The following TTI1 variants were observed in gnomAD, a reference collection of about 807,000 sequenced individuals.
The protein encoded by TTI1 is TELO2 interacting protein 1.
A neutral mutation model predicts 85.4 loss-of-function variants in TTI1; 52 were observed. The observed-to-expected ratio is 0.61, with a 90% confidence interval of 0.49 to 0.77. The LOEUF is 0.77. Among genes scored for constraint, TTI1 ranks in the 30% least tolerant of loss-of-function variants. The pLI is 0.00. For synonymous variants in TTI1, 512 were observed against 503.9 expected, an observed-to-expected ratio of 1.02 and a Z score of -0.22; for missense variants, 1,173 against 1,296.0, an observed-to-expected ratio of 0.91 and a Z score of 1.46.
chr20:38,019,513 G>A (rs972235492), intron 1 of TTI1, among the ~76,000 whole-genome samples: 1 of 152,032 alleles, frequency 6.6e-6, no homozygotes, highest in Admixed American at 6.6e-5. Context: ...AATGCATGTT[G>A]AAATCTGTAG....
At chr20:38,032,520 G>T (rs2073926779) in intron 1 of TTI1, among the ~76,000 whole-genome samples, 1 of 152,126 alleles carries the variant, frequency 6.6e-6, no homozygotes, top group Non-Finnish European at 1.5e-5. Flanking sequence ...AAATTTCTCT[G>T]CTGCTTTGAT....
rs548698981 is a variant in TTI1, at chr20:38,004,967, A to C, written c.2503+1230T>G. 6.6e-4 allele frequency among the ~76,000 whole-genome samples: 100 copies of C among 152,350 alleles called. 1 individual carries two copies. The highest frequency in any genetic ancestry group is 2.1e-3 in the African/African-American group (86 of 41,582). On this transcript the variant is annotated intron_variant, in intron 3 of 7. Transcript: ENST00000373447. ...AAAAGCCTGATAGATTTCTGATCAG[A>C]AAACTCTGTCCTCGGGGAGAGCAAT...
At chr20:37,987,140 G>T (rs1198721601) in intron 7 of TTI1, 1 of 456,578 alleles carries the variant, frequency 2.2e-6, no homozygotes, top group African/African-American at 2.0e-5. Flanking sequence ...CCTGGGAGCT[G>T]AGCCTGAGGC....
intron 7 of TTI1, among the ~76,000 whole-genome samples, chr20:37,995,616 A>G (rs1349090327): frequency 6.6e-6 from 1 of 152,250 alleles, no homozygotes; most frequent in African/African-American, 2.4e-5. Context: ...CCCACCTGGA[A>G]GGAAAGCTTG....
At chr20:37,996,727 G>C in intron 6 of TTI1, 22 bp downstream of exon 6, 1 of 1,589,062 alleles carries the variant, frequency 6.3e-7, no homozygotes, top group South Asian at 1.1e-5. Context: ...TGTGTGTTCA[G>C]GTGGAACTGC....
chr20:38,003,636 T>C (rs951936377), intron 3 of TTI1, among the ~76,000 whole-genome samples: 1 of 151,646 alleles, frequency 6.6e-6, no homozygotes, highest in Non-Finnish European at 1.5e-5. Flanking sequence ...CCTGTAATCT[T>C]AACTACTTGG....
chr20:38,020,158 C>T (rs1380390612), intron 1 of TTI1, among the ~76,000 whole-genome samples: 1 of 150,914 alleles, frequency 6.6e-6, no homozygotes, highest in Non-Finnish European at 1.5e-5. Context: ...GTATACTTGG[C>T]ATAAAGAAAA....
intron 4 of TTI1, among the ~76,000 whole-genome samples, chr20:37,999,564 G>A (rs901063591): frequency 1.3e-5 from 2 of 152,116 alleles, no homozygotes; most frequent in African/African-American, 2.4e-5. Flanking sequence ...ATTAGATAAC[G>A]CCTAAATGAA....
At position 38,006,406 on chromosome 20, in the gene TTI1, A is replaced by G. The variant is rs1214488906; in HGVS notation, c.2303-9T>C. 1 of 1,613,928 alleles carries G rather than the reference A, an allele frequency of 6.2e-7. No homozygotes were observed. Among genetic ancestry groups the G allele is most frequent in the African/African-American group, 1.3e-5 (1 of 74,914 alleles). On this transcript the variant is annotated splice_polypyrimidine_tract_variant and intron_variant, in intron 2 of 7. Transcript: ENST00000373447. The stretch of plus-strand genomic sequence containing the variant: ...GTCTGGGAACCACTGGGCTGTAAAT[A>G]AAGTGTTACAATGATCACCTTGGCT...
chr20:38,001,107 G>A (rs949187070), intron 4 of TTI1, among the ~76,000 whole-genome samples: 1 of 152,178 alleles, frequency 6.6e-6, no homozygotes, highest in African/African-American at 2.4e-5. Flanking sequence ...AAAAGACAGG[G>A]AGTTCCATGA....
At chr20:38,020,323 A>AAAAAAATATATATATATATATATATAT in intron 1 of TTI1, among the ~76,000 whole-genome samples, 2 of 50,388 alleles carry the variant, frequency 4.0e-5, no homozygotes, top group Admixed American at 2.1e-4. Context: ...AAAAAAAAAA[A>AAAAAAATATATATATATATATATATAT]ATATATATAT....
chr20:38,013,833 C>A lies in TTI1; in HGVS notation c.-17G>T, dbSNP rs745339010. On this transcript the variant is annotated 5_prime_UTR_variant, in exon 2 of 8. Coordinates refer to ENST00000373447, the MANE Select transcript of TTI1 (RefSeq NM_001303457.2). ...AACTGCCATTGTGCAGCAGCCTTCC[C>A]CTCATTGAGGAAACATCCTGCAGGC... The A allele has an allele frequency of 6.3e-7, 1 of 1,596,072 alleles. No homozygotes were observed. The highest frequency in any genetic ancestry group is 1.1e-5 in the South Asian group (1 of 89,240).
Position 38,012,705 on chromosome 20 carries a change from G to A in TTI1, c.1112C>T (p.Ala371Val), listed in dbSNP as rs761596021. 6.2e-7 allele frequency: 1 copy of A among 1,614,098 alleles called. No homozygotes were observed. Among genetic ancestry groups the A allele is most frequent in the Non-Finnish European group, 8.5e-7 (1 of 1,180,044 alleles). The stretch of plus-strand genomic sequence containing the variant: ...ATGCAGGCTTTCTGACAAGATGTCA[G>A]CGAGGGCTTTGTTGCCCACCACTAC... ...QKVVVGNKAL[A>V]DILSESLHSL... is the part of the protein sequence containing the mutation. The change falls in exon 2 of 8, where the codon GCT (alanine) becomes GTT (valine). Residue 371 changes from alanine to valine, a missense_variant. By Grantham distance (64) the Ala-to-Val change is moderately conservative. Coordinates refer to ENST00000373447, the MANE Select transcript of TTI1 (RefSeq NM_001303457.2).
intron 4 of TTI1, 107 bp from the exon 5 acceptor site, chr20:37,999,435 T>C (rs1161537642): frequency 1.6e-6 from 2 of 1,219,184 alleles, no homozygotes; most frequent in East Asian, 3.0e-5. Context: ...AATTGGATAA[T>C]TGTTTTCTGA....
At chr20:38,016,997 A>G (rs1325742503) in intron 1 of TTI1, among the ~76,000 whole-genome samples, 1 of 152,206 alleles carries the variant, frequency 6.6e-6, no homozygotes, top group East Asian at 1.9e-4. Flanking sequence ...CAATCATGTA[A>G]AATTTATAAA....
chr20:38,006,722 CCT>C (rs2073506075), intron 2 of TTI1, among the ~76,000 whole-genome samples: 2 of 152,238 alleles, frequency 1.3e-5, no homozygotes, highest in African/African-American at 2.4e-5. Flanking sequence ...CCTTGACTCC[CCT>C]GTTTAACTTA....
intron 1 of TTI1, among the ~76,000 whole-genome samples, chr20:38,026,996 AG>A (rs920830468): frequency 7.2e-5 from 11 of 152,256 alleles, no homozygotes; most frequent in Non-Finnish European, 1.3e-4. Context: ...GACCACTAAA[AG>A]GGCTACATAC....
At chr20:38,019,506 G>A (rs568532344) in intron 1 of TTI1, among the ~76,000 whole-genome samples, 3 of 152,210 alleles carry the variant, frequency 2.0e-5, no homozygotes, top group Non-Finnish European at 4.4e-5. Context: ...GATGTTAAAT[G>A]CATGTTGAAA....
At chr20:38,020,309 T>TG (rs2073744106) in intron 1 of TTI1, among the ~76,000 whole-genome samples, 1 of 46,708 alleles carries the variant, frequency 2.1e-5, no homozygotes. Flanking sequence ...GCTACTCATA[T>TG]GAAAAAAAAA....
Sources: allele counts gnomAD v4.1 joint callset (sites outside exome capture counted in the v4.1 genomes callset), GRCh38; gene constraint gnomAD v4.1.1; transcripts MANE v1.5; gene names NCBI Gene and HGNC (gene_info 2026-07-23, HGNC 2026-07-21).